Variants in MIR2052HG observed in about 807,000 individuals in gnomAD.
MIR2052HG encodes MIR2052 host gene.
intron 2 of MIR2052HG, among the ~76,000 whole-genome samples, chr8:74,689,122 A>G (rs1809213505): frequency 6.6e-6 from 1 of 152,188 alleles, no homozygotes; most frequent in Non-Finnish European, 1.5e-5. Context: ...AGATACAACC[A>G]TACGTGGTTG....
At chr8:74,642,004 G>A (rs1241122787) in intron 2 of MIR2052HG, among the ~76,000 whole-genome samples, 1 of 152,086 alleles carries the variant, frequency 6.6e-6, no homozygotes, top group African/African-American at 2.4e-5. Context: ...AGCAGTGGTG[G>A]TGGTGTGGGT....
chr8:74,715,688 G>A (rs1409455227), intron 4 of MIR2052HG, among the ~76,000 whole-genome samples: 1 of 152,158 alleles, frequency 6.6e-6, no homozygotes, highest in Non-Finnish European at 1.5e-5. Context: ...AATGGAGGGT[G>A]TAACTTGTCC....
At chr8:74,679,584 G>T (rs1391062249) in intron 2 of MIR2052HG, among the ~76,000 whole-genome samples, 2 of 150,976 alleles carry the variant, frequency 1.3e-5, no homozygotes, top group Admixed American at 1.3e-4. Context: ...TGAGTGCAGT[G>T]TCACGATCTC....
chr8:74,723,250 A>G (rs1449366309), intron 4 of MIR2052HG, among the ~76,000 whole-genome samples: 1 of 152,260 alleles, frequency 6.6e-6, no homozygotes, highest in African/African-American at 2.4e-5. Context: ...CTTATATGAT[A>G]GTCATTTCAC....
intron 2 of MIR2052HG, among the ~76,000 whole-genome samples, chr8:74,673,837 G>A (rs899407177): frequency 6.8e-5 from 10 of 147,038 alleles, no homozygotes; most frequent in Non-Finnish European, 1.3e-4. Context: ...ACTTTTTGAT[G>A]CCAATTTGGA....
chr8:74,604,167 G>A, intron 1 of MIR2052HG: 1 of 890,982 alleles, frequency 1.1e-6, no homozygotes, highest in South Asian at 1.3e-5. Context: ...CGATGATACT[G>A]CCAACTTCCT....
At chr8:74,600,360 G>A (rs186523690) in intron 1 of MIR2052HG, among the ~76,000 whole-genome samples, 6 of 151,146 alleles carry the variant, frequency 4.0e-5, no homozygotes, top group Admixed American at 3.3e-4. Context: ...CGAGGTGGGC[G>A]GATCACTTGA....
intron 2 of MIR2052HG, among the ~76,000 whole-genome samples, chr8:74,640,227 G>A (rs540350406): frequency 5.1e-4 from 78 of 152,182 alleles, no homozygotes; most frequent in African/African-American, 1.8e-3. Context: ...GGGAGGCCAA[G>A]GCAGGTGGAT....
intron 4 of MIR2052HG, among the ~76,000 whole-genome samples, chr8:74,732,559 A>G (rs1809703336): frequency 6.6e-6 from 1 of 152,228 alleles, no homozygotes; most frequent in African/African-American, 2.4e-5. Context: ...TTGTAGGGGT[A>G]TATATTATTA....
At chr8:74,734,946 G>A (rs927855720) in intron 4 of MIR2052HG, among the ~76,000 whole-genome samples, 15 of 152,212 alleles carry the variant, frequency 9.9e-5, no homozygotes, top group Non-Finnish European at 1.5e-4. Context: ...ATACCCTGGA[G>A]CTACATATGT....
At chr8:74,683,907 A>G (rs1310083455) in intron 2 of MIR2052HG, among the ~76,000 whole-genome samples, 1 of 151,954 alleles carries the variant, frequency 6.6e-6, no homozygotes, top group Non-Finnish European at 1.5e-5. Context: ...GTATGTGACA[A>G]TTCACTCCTA....
intron 2 of MIR2052HG, among the ~76,000 whole-genome samples, chr8:74,616,132 A>G (rs560092012): frequency 5.3e-5 from 8 of 152,178 alleles, no homozygotes; most frequent in African/African-American, 1.9e-4. Flanking sequence ...ATACCCAGTA[A>G]TGGGATGGCT....
At chr8:74,668,642 G>A (rs1186670868) in intron 2 of MIR2052HG, among the ~76,000 whole-genome samples, 1 of 152,188 alleles carries the variant, frequency 6.6e-6, no homozygotes, top group Non-Finnish European at 1.5e-5. Context: ...GTGCCACTCA[G>A]ATCCTTCTTC....
At chr8:74,654,089 G>A (rs1338261527) in intron 2 of MIR2052HG, among the ~76,000 whole-genome samples, 2 of 152,174 alleles carry the variant, frequency 1.3e-5, no homozygotes, top group Non-Finnish European at 2.9e-5. Flanking sequence ...GAAAGGCTAT[G>A]GGTGGAGAGA....
At chr8:74,702,129 T>G (rs1809364183) in intron 2 of MIR2052HG, among the ~76,000 whole-genome samples, 1 of 152,104 alleles carries the variant, frequency 6.6e-6, no homozygotes, top group African/African-American at 2.4e-5. Context: ...ACTTAGGAAC[T>G]TTCCATCATT....
intron 2 of MIR2052HG, among the ~76,000 whole-genome samples, chr8:74,651,791 G>C (rs1808755718): frequency 6.6e-6 from 1 of 152,172 alleles, no homozygotes; most frequent in Non-Finnish European, 1.5e-5. Context: ...CACAGGGTCT[G>C]AGTCTGGTCA....
intron 4 of MIR2052HG, among the ~76,000 whole-genome samples, chr8:74,732,978 T>C (rs960602103): frequency 2.6e-5 from 4 of 152,150 alleles, no homozygotes; most frequent in African/African-American, 9.7e-5. Flanking sequence ...TGTTATCTGG[T>C]TTAGGTTTTA....
intron 2 of MIR2052HG, among the ~76,000 whole-genome samples, chr8:74,652,900 T>C (rs1288278220): frequency 6.6e-6 from 1 of 152,148 alleles, no homozygotes; most frequent in African/African-American, 2.4e-5. Flanking sequence ...AGAATTTAAA[T>C]TGGGCTCCTG....
intron 4 of MIR2052HG, among the ~76,000 whole-genome samples, chr8:74,739,610 G>A (rs893239887): frequency 6.6e-6 from 1 of 152,068 alleles, no homozygotes; most frequent in Non-Finnish European, 1.5e-5. Flanking sequence ...TGTCTTCACT[G>A]ATTGAAAAAA....
Sources: gnomAD v4.1 joint callset for allele counts (sites outside exome capture counted in the v4.1 genomes callset) on GRCh38, gnomAD v4.1.1 for gene constraint, MANE v1.5 for transcripts, NCBI Gene and HGNC (gene_info 2026-07-23, HGNC 2026-07-21) for gene names.